The following CDC42SE2 variants were observed in gnomAD, a reference collection of about 807,000 sequenced individuals.
The protein encoded by CDC42SE2 is CDC42 small effector protein 2.
A neutral mutation model predicts 11.5 loss-of-function variants in CDC42SE2; 3 were observed. The ratio of observed to expected loss-of-function variants is 0.26; its 90% confidence interval spans 0.12 to 0.67. The LOEUF is 0.67. Ranked by LOEUF, CDC42SE2 falls within the 30% of genes least tolerant of loss-of-function variation. CDC42SE2 has a pLI of 0.80. For missense variants in CDC42SE2, 82 were observed against 106.8 expected (o/e 0.77, Z 1.02); for synonymous variants, 33 against 34.8 (o/e 0.95, Z 0.18).
At chr5:131,318,892 T>A (rs1176061132) in intron 2 of CDC42SE2, among the ~76,000 whole-genome samples, 1 of 152,054 alleles carries the variant, frequency 6.6e-6, no homozygotes, top group Admixed American at 6.6e-5. Flanking sequence ...TGGCAGATAA[T>A]GCATTCTTTT....
intron 2 of CDC42SE2, among the ~76,000 whole-genome samples, chr5:131,351,189 A>G (rs1361137922): frequency 2.0e-5 from 3 of 151,856 alleles, no homozygotes; most frequent in Non-Finnish European, 4.4e-5. Context: ...AGCTCCAGCA[A>G]TCCACCCTCC....
chr5:131,216,363 A>G, the CDC42SE2 span, among the ~76,000 whole-genome samples: 39 of 151,980 alleles, frequency 2.6e-4, 1 homozygote, highest in African/African-American at 8.9e-4. Flanking sequence ...TTAGCCGGGC[A>G]TGGTGGTGTG....
chr5:131,248,038 A>G (rs2149682431), intron 1 of CDC42SE2, among the ~76,000 whole-genome samples: 1 of 152,284 alleles, frequency 6.6e-6, no homozygotes, highest in African/African-American at 2.4e-5. Flanking sequence ...CATTAGAAAT[A>G]GATGGAAACT....
At position 131,314,181 on chromosome 5, in the gene CDC42SE2, TCATAATTCATACTTTTA is replaced by T. The variant is rs531089260; in HGVS notation, c.-454-1792_-454-1776del. ...TTTTGCACATAATTTGATAATTTCT[TCATAATTCATACTTTTA>T]CACTACAAATGAAATTATTTTTTAA... On this transcript the variant is annotated intron_variant, in intron 1 of 4. Transcript: ENST00000505065. Among the ~76,000 whole-genome samples, 92 of 152,256 alleles carry T rather than the reference TCATAATTCATACTTTTA, an allele frequency of 6.0e-4. No individual in the cohort carries two copies. In the East Asian group the frequency reaches 0.013, roughly 21 times the overall value.
chr5:131,346,872 T>A (rs565384721), intron 2 of CDC42SE2, among the ~76,000 whole-genome samples: 1 of 151,246 alleles, frequency 6.6e-6, no homozygotes, highest in Admixed American at 6.5e-5. Flanking sequence ...CTCAACTACA[T>A]GGAAACTGAA....
chr5:131,307,753 A>G (rs1490927634), intron 1 of CDC42SE2, among the ~76,000 whole-genome samples: 5 of 152,116 alleles, frequency 3.3e-5, no homozygotes, highest in Non-Finnish European at 4.4e-5. Context: ...TTTAATGATT[A>G]CCATTCTAAC....
rs1750778941 is a variant in CDC42SE2, at chr5:131,394,180, A to G, written c.*3089A>G. On this transcript the variant is annotated 3_prime_UTR_variant, in exon 5 of 5. Coordinates refer to ENST00000505065, the MANE Select transcript of CDC42SE2 (RefSeq NM_001375635.1). ...GAAGCGAATTAAATAGGATTTTACT[A>G]CTCAACATTCATTATACTGTTAATC... 1.3e-5 allele frequency: 2 copies of G among 152,308 alleles called. No individual in the cohort carries two copies. Among genetic ancestry groups the G allele is most frequent in the African/African-American group, 4.8e-5 (2 of 41,438 alleles). The allele number at this position is 152,308 out of a possible 1,614,324, so 9.4% of individuals were successfully genotyped here.
chr5:131,263,058 G>A (rs1445143404), upstream of CDC42SE2, among the ~76,000 whole-genome samples: 9 of 150,980 alleles, frequency 6.0e-5, no homozygotes, highest in Admixed American at 2.0e-4. Context: ...TCAGCCTCCA[G>A]AGTACCTGGA....
chr5:131,360,199 C>T lies in CDC42SE2; in HGVS notation c.54+652C>T, dbSNP rs375990592. On this transcript the variant is annotated intron_variant, in intron 3 of 4. Coordinates refer to ENST00000505065, the MANE Select transcript of CDC42SE2 (RefSeq NM_001375635.1). Reference sequence around the variant, plus strand: ...GCAATGGCGTGATCTCGGCTCACTGCAACTTCCGCCTCCTGGGTTCAAGTG... The same window carrying T: ...GCAATGGCGTGATCTCGGCTCACTGTAACTTCCGCCTCCTGGGTTCAAGTG... Among the ~76,000 whole-genome samples the T allele has an allele frequency of 2.6e-4, 40 of 152,312 alleles. 2 individuals carry two copies. The East Asian group carries it at 3.3e-3, about 12-fold the overall frequency.
chr5:131,390,482 C>A (rs147291713), intron 4 of CDC42SE2, among the ~76,000 whole-genome samples: 1,621 of 152,054 alleles, frequency 0.011, 31 homozygotes, highest in African/African-American at 0.036. Context: ...GTCAGGAGTT[C>A]AAGACCAGCC....
At chr5:131,253,841 G>A (rs549314282) in intron 1 of CDC42SE2, among the ~76,000 whole-genome samples, 8 of 152,298 alleles carry the variant, frequency 5.3e-5, no homozygotes, top group African/African-American at 1.9e-4. Flanking sequence ...TCACTATGAA[G>A]GATTGTCTTT....
chr5:131,281,336 A>C (rs908140770), intron 1 of CDC42SE2, among the ~76,000 whole-genome samples: 4 of 152,174 alleles, frequency 2.6e-5, no homozygotes, highest in Non-Finnish European at 4.4e-5. Flanking sequence ...AGTAAAGAGC[A>C]ATGTAGTTGA....
At chr5:131,213,757 C>T in the CDC42SE2 span, among the ~76,000 whole-genome samples, 1 of 152,158 alleles carries the variant, frequency 6.6e-6, no homozygotes, top group Non-Finnish European at 1.5e-5. Context: ...AGCCTGGATA[C>T]TGATTCTTTT....
chr5:131,283,113 G>A (rs529333451), intron 1 of CDC42SE2, among the ~76,000 whole-genome samples: 1 of 151,938 alleles, frequency 6.6e-6, no homozygotes, highest in African/African-American at 2.4e-5. Context: ...TTTTAGTAGA[G>A]ATGGGGTTTC....
Position 131,381,480 on chromosome 5 carries a change from G to A in CDC42SE2, c.55-4063G>A, listed in dbSNP as rs550944004. Among the ~76,000 whole-genome samples, 474 of 152,070 alleles carry A rather than the reference G, an allele frequency of 3.1e-3. 2 individuals carry two copies. Among genetic ancestry groups the A allele is most frequent in the Non-Finnish European group, 5.3e-3 (358 of 67,964 alleles). ...CTGGGATTAAGGCACCTGCTACCACGCCTGGCTAATTTTTGTATTTTTGGT... is the reference window on the plus strand; with the variant it reads ...CTGGGATTAAGGCACCTGCTACCACACCTGGCTAATTTTTGTATTTTTGGT... On this transcript the variant is annotated intron_variant, in intron 3 of 4. Transcript: ENST00000505065.
At chr5:131,229,151 A>G in the CDC42SE2 span, among the ~76,000 whole-genome samples, 1 of 148,562 alleles carries the variant, frequency 6.7e-6, no homozygotes, top group Non-Finnish European at 1.5e-5. Flanking sequence ...ACATAGACTT[A>G]TAATTACCTT....
At chr5:131,279,596 A>G (rs1218897211) in intron 1 of CDC42SE2, among the ~76,000 whole-genome samples, 3 of 151,526 alleles carry the variant, frequency 2.0e-5, no homozygotes, top group Non-Finnish European at 4.4e-5. Flanking sequence ...GATTTCTTTT[A>G]CAAATCAATG....
chr5:131,275,496 A>G (rs1251376412), intron 1 of CDC42SE2, among the ~76,000 whole-genome samples: 1 of 151,702 alleles, frequency 6.6e-6, no homozygotes, highest in African/African-American at 2.4e-5. Flanking sequence ...GTTTCACCAT[A>G]TTGGCCAGGC....
chr5:131,382,166 TGATAGAA>T (rs1750346957), intron 3 of CDC42SE2, among the ~76,000 whole-genome samples: 1 of 152,222 alleles, frequency 6.6e-6, no homozygotes, highest in Non-Finnish European at 1.5e-5. Context: ...TAACACAGTA[TGATAGAA>T]GTAAGCTGAA....
Sources: allele counts gnomAD v4.1 joint callset (sites outside exome capture counted in the v4.1 genomes callset), GRCh38; gene constraint gnomAD v4.1.1; transcripts MANE v1.5; gene names NCBI Gene and HGNC (gene_info 2026-07-23, HGNC 2026-07-21).